The following TXNRD2 variants were observed in gnomAD, a reference collection of about 807,000 sequenced individuals.
TXNRD2 encodes the protein thioredoxin reductase 2, mitochondrial.
TXNRD2 carries 67 observed loss-of-function variants against 70.8 expected under a neutral mutation model. The ratio of observed to expected loss-of-function variants is 0.95; its 90% CI spans 0.78 to 1.16. The LOEUF is 1.16. TXNRD2 is among the 50% of genes most tolerant of loss of function. The probability of loss-of-function intolerance (pLI) is 0.00; values close to 1 mark genes in which losing one functional copy is unlikely to be tolerated. For synonymous variants in TXNRD2, 301 were observed against 295.8 expected, an observed-to-expected ratio of 1.02 and a Z score of -0.18; for missense variants, 644 against 719.9, an observed-to-expected ratio of 0.89 and a Z score of 1.21.
intron 11 of TXNRD2, among the ~76,000 whole-genome samples, chr22:19,889,285 C>T (rs370558257): frequency 6.6e-6 from 1 of 152,210 alleles, no homozygotes; most frequent in East Asian, 1.9e-4. Flanking sequence ...CAGGAAGGAG[C>T]GTGCTCTGTG....
chr22:19,883,227 C>G (rs569108843), intron 12 of TXNRD2, 98 bp downstream of exon 12: 1 of 1,461,664 alleles, frequency 6.8e-7, no homozygotes. Flanking sequence ...GAGAAAGTGT[C>G]GTTTCTCTCC....
intron 8 of TXNRD2, among the ~76,000 whole-genome samples, chr22:19,909,574 A>ACCATTCACACACACC: frequency 8.1e-6 from 1 of 122,878 alleles, no homozygotes; most frequent in African/African-American, 3.3e-5. Flanking sequence ...ACATACACAC[A>ACCATTCACACACACC]CCACACACAC....
At chr22:19,895,081 C>T (rs1257319216) in intron 11 of TXNRD2, 8 of 1,595,270 alleles carry the variant, frequency 5.0e-6, no homozygotes, top group East Asian at 4.5e-5. Flanking sequence ...CCAGGGAAGG[C>T]GAGGATGATT....
chr22:19,931,169 G>T (rs1941345734), intron 1 of TXNRD2, 71 bp from the exon 2 acceptor site: 2 of 1,400,976 alleles, frequency 1.4e-6, no homozygotes, highest in African/African-American at 2.8e-5. Context: ...AATTTTATCA[G>T]GATTGGACAC....
intron 8 of TXNRD2, among the ~76,000 whole-genome samples, chr22:19,905,104 A>G (rs1370922749): frequency 6.6e-6 from 1 of 151,950 alleles, no homozygotes; most frequent in Admixed American, 6.6e-5. Flanking sequence ...GTAAACACTG[A>G]CTCCCATATT....
At chr22:19,939,599 C>T (rs1385671136) in intron 1 of TXNRD2, among the ~76,000 whole-genome samples, 2 of 151,108 alleles carry the variant, frequency 1.3e-5, no homozygotes, top group Non-Finnish European at 2.9e-5. Context: ...TGTGTGGATG[C>T]CTGGAACTAC....
chr22:19,898,900 A>T, intron 9 of TXNRD2, 149 bp downstream of exon 9: 1 of 985,706 alleles, frequency 1.0e-6, no homozygotes, highest in Non-Finnish European at 1.5e-6. Flanking sequence ...AACTGTCCCC[A>T]GGCACAGTAG....
chr22:19,898,602 C>A (rs1939629454), intron 9 of TXNRD2, among the ~76,000 whole-genome samples: 1 of 148,390 alleles, frequency 6.7e-6, no homozygotes, highest in South Asian at 2.1e-4. Flanking sequence ...GCAACGTCTG[C>A]CTCCCAGGTT....
chr22:19,915,975 A>G (rs1940621062), intron 5 of TXNRD2, 132 bp from the exon 6 acceptor site: 1 of 794,350 alleles, frequency 1.3e-6, no homozygotes, highest in African/African-American at 1.7e-5. Context: ...CAGATGGACC[A>G]AGAGGTAAGC....
chr22:19,905,333 T>C (rs1221698372), intron 8 of TXNRD2, among the ~76,000 whole-genome samples: 5 of 152,226 alleles, frequency 3.3e-5, no homozygotes, highest in African/African-American at 4.8e-5. Context: ...AAAAAAATCT[T>C]CTAAATGTTT....
Position 19,899,058 on chromosome 22 carries a change from C to T in TXNRD2, c.673G>A (p.Gly225Arg), listed in dbSNP as rs753335965. The change falls in exon 9 of 18, where the codon GGG (glycine) becomes AGG (arginine). Residue 225 changes from glycine (G) to arginine (R), a missense_variant. By Grantham distance (125) the Gly-to-Arg change is moderately radical (BLOSUM62 -2). Around this residue, in one of 3 missense-constraint regions of TXNRD2, gnomAD observed 566 missense variants for 645.0 expected, o/e 0.88. Transcript: ENST00000400521. ...CGCTTGCAAAGGATACAGCTGGCCC[C>T]GACCACCAACCTGTTAGAGAAACAG... ...KESPGKTLVV[G>R]ASYVALECAG... The T allele has an allele frequency of 6.2e-6, 10 of 1,606,900 alleles. No homozygotes were observed. The highest frequency in any genetic ancestry group is 1.7e-5 in the Admixed American group (1 of 60,002).
At chr22:19,899,149 C>T in intron 8 of TXNRD2, 81 bp from the exon 9 acceptor site, 1 of 1,583,928 alleles carries the variant, frequency 6.3e-7, no homozygotes, top group Non-Finnish European at 8.6e-7. Context: ...ACCCCGCAGC[C>T]TTTGCCCAGG....
intron 8 of TXNRD2, among the ~76,000 whole-genome samples, chr22:19,904,593 C>T (rs1283978573): frequency 2.6e-5 from 4 of 152,222 alleles, no homozygotes; most frequent in African/African-American, 9.6e-5. Flanking sequence ...CTGGAGCTCC[C>T]GGCAGTGGGC....
intron 1 of TXNRD2, 71 bp downstream of exon 1, chr22:19,941,630 C>T (rs1941719213): frequency 3.6e-6 from 5 of 1,370,096 alleles, no homozygotes; most frequent in Non-Finnish European, 4.7e-6. Context: ...GCCACCGCCG[C>T]GCGGACACCC....
intron 1 of TXNRD2, chr22:19,938,258 T>C (rs1207763456): frequency 2.0e-5 from 3 of 152,174 alleles, no homozygotes; most frequent in East Asian, 3.8e-4. Flanking sequence ...ATTAAACTTA[T>C]GTAAACTTAT....
Position 19,918,839 on chromosome 22 carries a change from G to A in TXNRD2, c.374+21C>T, listed in dbSNP as rs200670913. ...AAGAGTAGAAGAAAAGCACTGGAATGCCACGGCGCCAGATCCTTACCAGTC... is the reference window on the plus strand; with the variant it reads ...AAGAGTAGAAGAAAAGCACTGGAATACCACGGCGCCAGATCCTTACCAGTC... On this transcript the variant is annotated intron_variant, in intron 4 of 17. Coordinates refer to ENST00000400521, the MANE Select transcript of TXNRD2 (RefSeq NM_006440.5). The A allele has an allele frequency of 2.5e-4, 399 of 1,603,642 alleles. 4 individuals are homozygous for A. The South Asian group carries it at 3.6e-3, about 14-fold the overall frequency.
Position 19,880,602 on chromosome 22 carries a change from C to A in TXNRD2, c.1182+20G>T. 2 of 1,609,990 alleles carry A rather than the reference C, an allele frequency of 1.2e-6. No homozygotes were observed. The highest frequency in any genetic ancestry group is 8.5e-7 in the Non-Finnish European group (1 of 1,176,968). On this transcript the variant is annotated intron_variant, in intron 13 of 17. Coordinates refer to ENST00000400521, the MANE Select transcript of TXNRD2 (RefSeq NM_006440.5). ...TCAGCCTGTCCTAGGCTGCACGTGG[C>A]GTCCTGCTAGAGAACTCACATTGTC...
At chr22:19,893,737 T>C (rs1237356688) in intron 11 of TXNRD2, among the ~76,000 whole-genome samples, 2 of 152,210 alleles carry the variant, frequency 1.3e-5, no homozygotes, top group African/African-American at 4.8e-5. Context: ...AGCCCACGCC[T>C]GGCCGGGAAA....
intron 11 of TXNRD2, among the ~76,000 whole-genome samples, chr22:19,886,392 G>A (rs1016449438): frequency 1.7e-4 from 26 of 152,274 alleles, no homozygotes; most frequent in African/African-American, 6.0e-4. Context: ...TGCTGGTGCT[G>A]GACAGCCAAT....
Sources: allele counts gnomAD v4.1 joint callset (sites outside exome capture counted in the v4.1 genomes callset), GRCh38; gene constraint gnomAD v4.1.1; regional missense constraint gnomAD v4.1.1; transcripts MANE v1.5; gene names NCBI Gene and HGNC (gene_info 2026-07-23, HGNC 2026-07-21).